PIGU: variants seen among roughly 807,000 people sequenced by gnomAD.
The protein encoded by PIGU is GPI-anchor transamidase component PIGU.
A neutral mutation model predicts 49.9 loss-of-function variants in PIGU; 24 were observed. The observed-to-expected ratio is 0.48, with a 90% CI of 0.35 to 0.68. The LOEUF (loss-of-function observed/expected upper bound fraction) is 0.68, where lower values mean the gene tolerates loss of function less well. Among genes scored for constraint, PIGU ranks in the 30% least tolerant of loss-of-function variants. The pLI, the probability that PIGU is intolerant of heterozygous loss-of-function variation, is 0.01. For missense variants in PIGU, 490 were observed against 532.6 expected (o/e 0.92, Z 0.79); for synonymous variants, 220 against 205.7 (o/e 1.07, Z -0.59).
At chr20:34,626,303 CTTT>C (rs368354750) in intron 6 of PIGU, among the ~76,000 whole-genome samples, 2 of 137,976 alleles carry the variant, frequency 1.4e-5, no homozygotes, top group Admixed American at 7.5e-5. Context: ...AAACTCCAAA[CTTT>C]TTTTTTTTTT....
chr20:34,642,885 G>A (rs1986215091), intron 4 of PIGU, among the ~76,000 whole-genome samples: 1 of 150,922 alleles, frequency 6.6e-6, no homozygotes, highest in Non-Finnish European at 1.5e-5. Context: ...AGCCTCCCAA[G>A]TAGGTGGGAT....
At chr20:34,659,989 A>G (rs1400895597) in intron 1 of PIGU, among the ~76,000 whole-genome samples, 3 of 146,898 alleles carry the variant, frequency 2.0e-5, no homozygotes, top group Non-Finnish European at 4.5e-5. Flanking sequence ...CCTTCCCTCC[A>G]CTATTGTCCT....
At chr20:34,631,785 ATTTTTTTTTTTTTTTTTTTTT>A (rs1166878990) in intron 6 of PIGU, among the ~76,000 whole-genome samples, 223 of 6,428 alleles carry the variant, frequency 0.035, 5 homozygotes, top group East Asian at 0.057. Flanking sequence ...ATATATATAT[ATTTTTTTTTTTTTTTTTTTTT>A]TTTTTTTTTT....
chr20:34,666,079 G>A (rs758817717), intron 1 of PIGU, among the ~76,000 whole-genome samples: 11 of 151,982 alleles, frequency 7.2e-5, no homozygotes, highest in African/African-American at 2.2e-4. Context: ...TCAGCTCCTC[G>A]GGAAGCTGAG....
chr20:34,598,475 A>G (rs920931153), intron 7 of PIGU, among the ~76,000 whole-genome samples: 1 of 152,246 alleles, frequency 6.6e-6, no homozygotes, highest in African/African-American at 2.4e-5. Context: ...GGTGAGTGTT[A>G]GCACCTCTTT....
intron 7 of PIGU, among the ~76,000 whole-genome samples, chr20:34,608,151 T>C (rs1984686323): frequency 6.7e-6 from 1 of 149,990 alleles, no homozygotes; most frequent in South Asian, 2.1e-4. Context: ...CTCGGCTCAC[T>C]GCAACCTCTG....
At chr20:34,672,002 G>A (rs766710557) in intron 1 of PIGU, among the ~76,000 whole-genome samples, 1 of 151,944 alleles carries the variant, frequency 6.6e-6, no homozygotes, top group African/African-American at 2.4e-5. Flanking sequence ...GCACGATCTC[G>A]GCTCACTGCA....
intron 7 of PIGU, among the ~76,000 whole-genome samples, chr20:34,615,348 T>C (rs1276001939): frequency 2.0e-5 from 3 of 152,222 alleles, no homozygotes; most frequent in African/African-American, 4.8e-5. Context: ...ACATACTCCA[T>C]TTAAGTCCTA....
chr20:34,622,297 T>C (rs879828661), intron 6 of PIGU, among the ~76,000 whole-genome samples: 1 of 151,958 alleles, frequency 6.6e-6, no homozygotes, highest in Non-Finnish European at 1.5e-5. Flanking sequence ...GGAGGGTGGA[T>C]CACAAGGTCA....
intron 2 of PIGU, among the ~76,000 whole-genome samples, chr20:34,650,288 G>A (rs114378507): frequency 0.017 from 2,495 of 149,280 alleles, 77 homozygotes; most frequent in African/African-American, 0.059. Context: ...TTTTGGGAGG[G>A]GGGAAAGGGT....
chr20:34,622,102 C>T (rs979572251), intron 6 of PIGU, among the ~76,000 whole-genome samples: 31 of 152,044 alleles, frequency 2.0e-4, no homozygotes, highest in Admixed American at 5.9e-4. Context: ...AAGGGGCTCC[C>T]GTGGATGCTG....
At chr20:34,604,593 T>C (rs1246544229) in intron 7 of PIGU, among the ~76,000 whole-genome samples, 1 of 152,146 alleles carries the variant, frequency 6.6e-6, no homozygotes, top group East Asian at 1.9e-4. Context: ...ACCTCTGCCC[T>C]AGCACACACC....
At chr20:34,602,110 C>T (rs764216485) in intron 7 of PIGU, among the ~76,000 whole-genome samples, 9 of 151,708 alleles carry the variant, frequency 5.9e-5, no homozygotes, top group Non-Finnish European at 1.3e-4. Flanking sequence ...GGTGAAAACC[C>T]GTCTCCATTA....
At chr20:34,650,698 C>CCCCTTTTTT (rs1986507102) in intron 2 of PIGU, among the ~76,000 whole-genome samples, 2 of 43,950 alleles carry the variant, frequency 4.6e-5, no homozygotes, top group African/African-American at 1.6e-4. Context: ...TTCTTTTTTT[C>CCCCTTTTTT]TCTTTTTTTT....
intron 10 of PIGU, among the ~76,000 whole-genome samples, chr20:34,577,807 T>A (rs879162575): frequency 3.6e-4 from 55 of 152,100 alleles, no homozygotes; most frequent in Admixed American, 3.4e-3. Flanking sequence ...GGTTCAGGCA[T>A]CCATATGAGG....
intron 11 of PIGU, among the ~76,000 whole-genome samples, chr20:34,574,552 G>A (rs1051462222): frequency 2.0e-5 from 3 of 151,990 alleles, no homozygotes; most frequent in Non-Finnish European, 4.4e-5. Context: ...CCTCTCCACC[G>A]CTCCCAGCCA....
chr20:34,675,248 C>CAA (rs71196751), intron 1 of PIGU, among the ~76,000 whole-genome samples: 36 of 70,240 alleles, frequency 5.1e-4, no homozygotes, highest in Non-Finnish European at 6.3e-4. Context: ...AACTCCATCT[C>CAA]AAAAAAAAAA....
chr20:34,659,542 T>C (rs1428948809), intron 1 of PIGU, among the ~76,000 whole-genome samples: 2 of 152,110 alleles, frequency 1.3e-5, no homozygotes, highest in Non-Finnish European at 2.9e-5. Context: ...CCACCCAGTC[T>C]TGGAGGTGTA....
At chr20:34,597,186 C>G (rs59521490) in intron 7 of PIGU, among the ~76,000 whole-genome samples, 10,239 of 152,108 alleles carry the variant, frequency 0.067, 1,113 homozygotes, top group African/African-American at 0.23. Flanking sequence ...AAAACTTGTA[C>G]CAGAATGTTC....
Sources: gnomAD v4.1 joint callset for allele counts (sites outside exome capture counted in the v4.1 genomes callset) on GRCh38, gnomAD v4.1.1 for gene constraint, MANE v1.5 for transcripts, NCBI Gene and HGNC (gene_info 2026-07-23, HGNC 2026-07-21) for gene names.